Variants in ZNF521 observed in about 807,000 individuals in gnomAD.
ZNF521 encodes LYST-interacting protein 3.
In ZNF521, 14 loss-of-function variants were observed where a neutral mutation model predicts 105.5. The ratio of observed to expected loss-of-function variants is 0.13; its 90% CI spans 0.09 to 0.21. ZNF521 has a LOEUF of 0.21. ZNF521 is among the 10% of genes least tolerant of loss of function. The pLI is 1.00. For missense variants in ZNF521, 1,233 were observed against 1,629.7 expected (o/e 0.76, Z 4.19); for synonymous variants, 635 against 606.0 (o/e 1.05, Z -0.70).
intron 4 of ZNF521, among the ~76,000 whole-genome samples, chr18:25,212,528 AAAAAAAAAAAAT>A (rs1232351452): frequency 9.0e-6 from 1 of 111,168 alleles, no homozygotes; most frequent in Non-Finnish European, 1.7e-5. Context: ...AAAAAAAAAA[AAAAAAAAAAAAT>A]ATATATATAT....
At chr18:25,080,367 C>T (rs986392737) in intron 7 of ZNF521, among the ~76,000 whole-genome samples, 4 of 152,186 alleles carry the variant, frequency 2.6e-5, no homozygotes, top group African/African-American at 4.8e-5. Flanking sequence ...TTCATCTCGC[C>T]GCCACATCTC....
chr18:25,212,653 C>A (rs993876710), intron 4 of ZNF521, among the ~76,000 whole-genome samples: 2 of 144,972 alleles, frequency 1.4e-5, no homozygotes, highest in African/African-American at 5.1e-5. Flanking sequence ...AACTGACAGA[C>A]TTACAGTATT....
intron 3 of ZNF521, among the ~76,000 whole-genome samples, chr18:25,309,338 G>C (rs1912167243): frequency 1.3e-5 from 2 of 152,202 alleles, no homozygotes; most frequent in South Asian, 4.1e-4. Context: ...TCCCAACAGA[G>C]AGACACTTTG....
At chr18:25,099,159 T>A (rs2033913763) in intron 5 of ZNF521, among the ~76,000 whole-genome samples, 1 of 152,212 alleles carries the variant, frequency 6.6e-6, no homozygotes, top group Admixed American at 6.5e-5. Flanking sequence ...GAACAGTACA[T>A]GGCTCATAGC....
intron 7 of ZNF521, among the ~76,000 whole-genome samples, chr18:25,071,969 C>T (rs568669693): frequency 1.3e-4 from 20 of 152,260 alleles, no homozygotes; most frequent in Middle Eastern, 3.4e-3. Context: ...AAGCTGAGAA[C>T]CAGAGGGCAG....
At position 25,227,655 on chromosome 18, in the gene ZNF521, G is replaced by A. The variant is rs1229533952; in HGVS notation, c.263C>T (p.Ala88Val). ...CTGATCCTTGCTAGAAGGTGAGGAA[G>A]CTGGCCAAGAGCAAGTCGGATCATC... is the stretch of plus-strand genomic sequence containing the variant. ...VEDDPTCSWP[A>V]SSPSSKDQTS... The change falls in exon 4 of 8, where the codon GCT becomes GTT. Residue 88 changes from alanine to valine, a missense_variant. Around this residue, in one of 6 missense-constraint regions of ZNF521, gnomAD observed 85 missense variants for 162.2 expected, o/e 0.52. Transcript: ENST00000361524. This position sits in a 1 kb window ranked among gnomAD's most constrained non-coding sequence, Gnocchi z 5.7. 2 of 1,613,926 alleles carry A rather than the reference G, an allele frequency of 1.2e-6. No homozygotes were observed. Among genetic ancestry groups the A allele is most frequent in the East Asian group, 2.2e-5 (1 of 44,850 alleles).
chr18:25,239,713 G>C (rs573148234), intron 3 of ZNF521, among the ~76,000 whole-genome samples: 1 of 152,120 alleles, frequency 6.6e-6, no homozygotes, highest in East Asian at 1.9e-4. Flanking sequence ...TGCAACTTCC[G>C]GGGTTCAGAA....
chr18:25,082,890 A>G (rs2033533287), intron 7 of ZNF521, among the ~76,000 whole-genome samples: 1 of 151,602 alleles, frequency 6.6e-6, no homozygotes, highest in African/African-American at 2.4e-5. Context: ...TAGGAAATAA[A>G]AAGTAAGCCC....
At chr18:25,228,572 A>G (rs1474358047) in intron 3 of ZNF521, among the ~76,000 whole-genome samples, 1 of 152,216 alleles carries the variant, frequency 6.6e-6, no homozygotes, top group Non-Finnish European at 1.5e-5. Flanking sequence ...GAACTTCCTT[A>G]GCTAAACAGG....
intron 3 of ZNF521, among the ~76,000 whole-genome samples, chr18:25,279,689 ATG>A (rs1910247157): frequency 6.6e-6 from 1 of 152,236 alleles, no homozygotes; most frequent in Non-Finnish European, 1.5e-5. Flanking sequence ...AATGTTTCAT[ATG>A]CAAGCGTTTT....
At chr18:25,150,088 C>T (rs144501148) in intron 5 of ZNF521, among the ~76,000 whole-genome samples, 1 of 152,176 alleles carries the variant, frequency 6.6e-6, no homozygotes, top group Non-Finnish European at 1.5e-5. Context: ...TAAATGAGTA[C>T]AGGTTAATAA....
Position 25,193,947 on chromosome 18 carries a change from A to C in ZNF521, c.3658+1213T>G, listed in dbSNP as rs369077927. Among the ~76,000 whole-genome samples, 7 of 151,792 alleles carry C rather than the reference A, an allele frequency of 4.6e-5. No individual in the cohort carries two copies. In the East Asian group the frequency reaches 1.4e-3, roughly 29 times the overall value. On this transcript the variant is annotated intron_variant, in intron 5 of 7. Transcript: ENST00000361524. ...AAGACCTATCATTTGAAAACTATAA[A>C]GCACATCCTATTGAAAAATTATCAA... is the stretch of plus-strand genomic sequence containing the variant.
chr18:25,074,319 G>C (rs553980250), intron 7 of ZNF521, among the ~76,000 whole-genome samples: 22 of 152,294 alleles, frequency 1.4e-4, no homozygotes, highest in African/African-American at 5.3e-4. Context: ...AAAAATGCAA[G>C]TATTTCACAG....
chr18:25,259,353 G>T (rs541801264), intron 3 of ZNF521, among the ~76,000 whole-genome samples: 1 of 152,214 alleles, frequency 6.6e-6, no homozygotes, highest in East Asian at 1.9e-4. Flanking sequence ...GCAGCCCTTT[G>T]ATTCAATTCT....
In ZNF521 at chr18:25,224,792, G is replaced by A. The variant is rs116524303; in HGVS notation, c.3126C>T (p.His1042=). 3.6e-4 allele frequency: 579 copies of A among 1,614,060 alleles called. 1 individual carries two copies. In the African/African-American group the frequency reaches 6.5e-3, roughly 18 times the overall value. The part of the protein sequence containing the change: ...TLELKIHGTF[H]MQKTGNGSAV... ...CAGACCCATTCCCTGTCTTTTGCATGTGGAACGTCCCATGGATTTTGAGTT... is the reference window on the plus strand; with the variant it reads ...CAGACCCATTCCCTGTCTTTTGCATATGGAACGTCCCATGGATTTTGAGTT... The change falls in exon 4 of 8, where the codon CAC becomes CAT. Residue 1042 remains histidine (H), a synonymous_variant. Transcript: ENST00000361524.
intron 7 of ZNF521, among the ~76,000 whole-genome samples, chr18:25,079,404 G>A (rs1454634285): frequency 3.3e-5 from 5 of 152,122 alleles, no homozygotes. Flanking sequence ...CTCGGCTCTC[G>A]GAGTCAGCGA....
intron 3 of ZNF521, among the ~76,000 whole-genome samples, chr18:25,319,791 A>G (rs899133287): frequency 1.3e-5 from 2 of 152,166 alleles, no homozygotes; most frequent in Non-Finnish European, 2.9e-5. Flanking sequence ...TAACAAACTA[A>G]CATCATGTAC....
At chr18:25,195,766 T>C (rs952057332) in intron 4 of ZNF521, among the ~76,000 whole-genome samples, 2 of 151,794 alleles carry the variant, frequency 1.3e-5, no homozygotes, top group African/African-American at 2.4e-5. Context: ...AATGATGTTT[T>C]AGAAGTTGCT....
At chr18:25,344,003 G>C (rs1914347803) in intron 2 of ZNF521, among the ~76,000 whole-genome samples, 1 of 151,900 alleles carries the variant, frequency 6.6e-6, no homozygotes, top group Non-Finnish European at 1.5e-5. Flanking sequence ...TTGTAGCTGT[G>C]GCAGGGTCCC....
Sources: gnomAD v4.1 joint callset for allele counts (sites outside exome capture counted in the v4.1 genomes callset) on GRCh38, gnomAD v4.1.1 for gene constraint, gnomAD v4.1.1 regional missense constraint, Gnocchi (gnomAD v3.1) non-coding constraint, MANE v1.5 for transcripts, NCBI Gene and HGNC (gene_info 2026-07-23, HGNC 2026-07-21) for gene names.